The following TTN variants were observed in gnomAD, a reference collection of about 807,000 sequenced individuals.
TTN encodes the protein connectin.
TTN carries 1,525 observed loss-of-function variants against 3,223.0 expected under a neutral mutation model. That is an observed-to-expected ratio of 0.47 (90% CI 0.45 to 0.49). The LOEUF is 0.49. Ranked by LOEUF, TTN falls within the 20% of genes least tolerant of loss-of-function variation. TTN has a pLI of 0.00. For missense variants in TTN, 40,786 were observed against 43,424.0 expected (o/e 0.94, Z 5.40); for synonymous variants, 14,094 against 15,161.0 (o/e 0.93, Z 5.17).
intron 138 of TTN, 83 bp from the exon 139 acceptor site, chr2:178,680,414 T>G: frequency 9.2e-7 from 1 of 1,087,102 alleles, no homozygotes; most frequent in Non-Finnish European, 1.4e-6. Context: ...TTTAAGCAGA[T>G]AGAATAATGT....
chr2:178,716,460 A>G (rs1386430461), intron 88 of TTN, among the ~76,000 whole-genome samples: 1 of 152,182 alleles, frequency 6.6e-6, no homozygotes, highest in East Asian at 1.9e-4. Context: ...CACCACTACA[A>G]AAACCCTTAA....
At chr2:178,743,759 C>T (rs1445902933) in intron 47 of TTN, among the ~76,000 whole-genome samples, 1 of 151,906 alleles carries the variant, frequency 6.6e-6, no homozygotes, top group African/African-American at 2.4e-5. Context: ...CAGAATAAAT[C>T]TCTAAGTTCC....
chr2:178,559,503 C>T lies in TTN; in HGVS notation c.86629G>A (p.Val28877Met), dbSNP rs750357355. Reference sequence around the variant, plus strand: ...CGTTTTTCTATGTGGTAATTCTTCACTGGTGCTCCACCATCGTTTTCAGGA... The same window carrying T: ...CGTTTTTCTATGTGGTAATTCTTCATTGGTGCTCCACCATCGTTTTCAGGA... ...DVPENDGGAP[V>M]KNYHIEKREA... The change falls in exon 326 of 363, where the codon GTG (valine) becomes ATG (methionine). Residue 28877 changes from valine (V) to methionine (M), a missense_variant. Coordinates refer to ENST00000589042, the MANE Select transcript of TTN (RefSeq NM_001267550.2). 5 of 1,613,770 alleles carry T rather than the reference C, an allele frequency of 3.1e-6. No individual in the cohort carries two copies. The South Asian group carries it at 5.5e-5, about 18-fold the overall frequency.
chr2:178,680,229 C>G (rs1269255614), intron 139 of TTN, 25 bp downstream of exon 139: 1 of 1,608,960 alleles, frequency 6.2e-7, no homozygotes, highest in Admixed American at 1.7e-5. Flanking sequence ...ACGAACAAAA[C>G]ATTAAAATGA....
chr2:178,767,342 G>A (rs988492205), intron 40 of TTN, among the ~76,000 whole-genome samples: 2 of 152,224 alleles, frequency 1.3e-5, no homozygotes, highest in African/African-American at 2.4e-5. Flanking sequence ...TTCACAGAAA[G>A]TATTTCTAGC....
chr2:178,571,580 G>T lies in TTN; in HGVS notation c.74552C>A (p.Thr24851Asn). The T allele has an allele frequency of 1.9e-6, 3 of 1,613,250 alleles. No homozygotes were observed. Among genetic ancestry groups the T allele is most frequent in the Non-Finnish European group, 2.5e-6 (3 of 1,179,574 alleles). The part of the protein sequence containing the change: ...INNYIVEKRD[T>N]STTTWQIVSA... ...TACAATTTGCCAGGTGGTTGTGGAA[G>T]TGTCCCGTTTCTCAACAATGTAATT... Residue 24851 changes from threonine to asparagine, a missense_variant, in exon 326 of 363, where the codon ACT becomes AAT. Transcript: ENST00000589042.
intron 356 of TTN, 125 bp downstream of exon 356, chr2:178,536,813 G>C: frequency 1.1e-6 from 1 of 945,152 alleles, no homozygotes; most frequent in Non-Finnish European, 1.5e-6. Context: ...TAAAGTGAAA[G>C]AAAAGGCACT....
chr2:178,677,556 A>G, intron 146 of TTN, 65 bp downstream of exon 146: 1 of 1,481,626 alleles, frequency 6.7e-7, no homozygotes, highest in Non-Finnish European at 9.0e-7. Flanking sequence ...GAGATGAACA[A>G]AAGGATGGGA....
intron 313 of TTN, 108 bp from the exon 314 acceptor site, chr2:178,582,700 C>A (rs1006820538): frequency 1.7e-6 from 2 of 1,150,890 alleles, no homozygotes. Flanking sequence ...CCTATATGAC[C>A]TAGGAGGTTA....
chr2:178,601,239 T>A, intron 287 of TTN, 26 bp downstream of exon 287: 1 of 1,520,514 alleles, frequency 6.6e-7, no homozygotes, highest in Non-Finnish European at 8.8e-7. Context: ...TGAGAAGATA[T>A]TTTAAATTTA....
At chr2:178,641,683 A>C (rs545720429) in intron 219 of TTN, among the ~76,000 whole-genome samples, 1 of 152,068 alleles carries the variant, frequency 6.6e-6, no homozygotes, top group East Asian at 1.9e-4. Context: ...TTACTTAAGC[A>C]GAGATATCTG....
chr2:178,667,336 A>T lies in TTN; in HGVS notation c.35714-17T>A. ...TATCAGGTTCTTTAAAGATATTAGTAGGTTTACATTTAAAAGTTGTAAAAA... is the reference window on the plus strand; with the variant it reads ...TATCAGGTTCTTTAAAGATATTAGTTGGTTTACATTTAAAAGTTGTAAAAA... On this transcript the variant is annotated splice_polypyrimidine_tract_variant and intron_variant, in intron 161 of 362. Transcript: ENST00000589042. 6.3e-7 allele frequency: 1 copy of T among 1,588,242 alleles called. No individual in the cohort carries two copies. Among genetic ancestry groups the T allele is most frequent in the East Asian group, 2.3e-5 (1 of 44,080 alleles).
intron 46 of TTN, 101 bp from the exon 47 acceptor site, chr2:178,753,281 C>T: frequency 4.4e-6 from 4 of 914,984 alleles, no homozygotes; most frequent in Non-Finnish European, 6.7e-6. Flanking sequence ...TTTATTATAA[C>T]AACAGAAAAC....
rs749278779 is a variant in TTN, at chr2:178,561,823, G to C, written c.84309C>G (p.His28103Gln). ...TTCTTGCAACTGCTTGTGAAACTAT[G>C]TGCCATGTTGTAGAGGTGGTTTCTT... ...EKKETTSTTW[H>Q]IVSQAVARTS... Residue 28103 changes from histidine (H) to glutamine (Q), a missense_variant, in exon 326 of 363, where the codon CAC (histidine) becomes CAG (glutamine). Transcript: ENST00000589042. 1.9e-6 allele frequency: 3 copies of C among 1,613,522 alleles called. No individual in the cohort carries two copies. In the Admixed American group the frequency reaches 5.0e-5, roughly 27 times the overall value.
chr2:178,754,618 T>C (rs542667725), intron 46 of TTN, among the ~76,000 whole-genome samples: 3 of 152,114 alleles, frequency 2.0e-5, no homozygotes, highest in South Asian at 4.2e-4. Flanking sequence ...ACTGAAAAAA[T>C]TGTCACACTG....
Position 178,542,656 on chromosome 2 carries a change from C to G in TTN, c.97192+6G>C. 2 of 1,609,618 alleles carry G rather than the reference C, an allele frequency of 1.2e-6. No homozygotes were observed. Among genetic ancestry groups the G allele is most frequent in the Non-Finnish European group, 1.7e-6 (2 of 1,176,368 alleles). ...ACTTGCTTGTATCTTTGTCACACATCCTTACCAAGAATGATAACTTTAATG... is the reference window on the plus strand; with the variant it reads ...ACTTGCTTGTATCTTTGTCACACATGCTTACCAAGAATGATAACTTTAATG... On this transcript the variant is annotated splice_donor_region_variant and intron_variant, in intron 348 of 362. Coordinates refer to ENST00000589042, the MANE Select transcript of TTN (RefSeq NM_001267550.2).
intron 33 of TTN, chr2:178,772,874 A>T: frequency 1.8e-6 from 1 of 557,888 alleles, no homozygotes; most frequent in Non-Finnish European, 3.2e-6. Flanking sequence ...GAGATCATAT[A>T]CAAATGGAGA....
At chr2:178,690,734 A>G (rs1480629768) in intron 121 of TTN, among the ~76,000 whole-genome samples, 1 of 152,176 alleles carries the variant, frequency 6.6e-6, no homozygotes, top group Non-Finnish European at 1.5e-5. Flanking sequence ...ATTTTGGTGC[A>G]ATTATATAGC....
chr2:178,784,638 G>T (rs2093037789), intron 15 of TTN, among the ~76,000 whole-genome samples: 1 of 152,138 alleles, frequency 6.6e-6, no homozygotes, highest in Non-Finnish European at 1.5e-5. Flanking sequence ...ATCTTCTAAA[G>T]CTTAGTCACG....
Sources: allele counts gnomAD v4.1 joint callset (sites outside exome capture counted in the v4.1 genomes callset), GRCh38; gene constraint gnomAD v4.1.1; transcripts MANE v1.5; gene names NCBI Gene and HGNC (gene_info 2026-07-23, HGNC 2026-07-21).